FGF7: variants seen among roughly 807,000 people sequenced by gnomAD.
FGF7 encodes FGF-7.
FGF7 carries 6 observed loss-of-function variants against 20.5 expected under a neutral mutation model. The observed-to-expected ratio is 0.29, with a 90% CI of 0.16 to 0.58. The LOEUF (loss-of-function observed/expected upper bound fraction) is 0.58. Among genes scored for constraint, FGF7 ranks in the 20% least tolerant of loss-of-function variants. FGF7 has a pLI of 0.90. For synonymous variants in FGF7, 64 were observed against 74.7 expected (o/e 0.86, Z 0.74); for missense variants, 144 against 228.8 (o/e 0.63, Z 2.39).
chr15:49,435,091 T>C (rs2050978939), intron 2 of FGF7, among the ~76,000 whole-genome samples: 1 of 151,594 alleles, frequency 6.6e-6, no homozygotes. Context: ...ATTAAAATTG[T>C]TGTGTATGAA....
At chr15:49,456,847 A>C (rs2053342226) in intron 2 of FGF7, among the ~76,000 whole-genome samples, 1 of 152,150 alleles carries the variant, frequency 6.6e-6, no homozygotes. Context: ...AACTTTGTTG[A>C]TGAAAAATAA....
At chr15:49,429,481 C>T (rs1205828812) in intron 2 of FGF7, among the ~76,000 whole-genome samples, 1 of 151,950 alleles carries the variant, frequency 6.6e-6, no homozygotes, top group Non-Finnish European at 1.5e-5. Flanking sequence ...AAATCCTCAT[C>T]TAGACTGACC....
intron 2 of FGF7, among the ~76,000 whole-genome samples, chr15:49,471,513 A>ATAC (rs1286257495): frequency 1.4e-5 from 2 of 148,082 alleles, no homozygotes; most frequent in African/African-American, 4.9e-5. Flanking sequence ...AATAATAATA[A>ATAC]TAATAATAAT....
chr15:49,478,873 C>G (rs1443377731), intron 2 of FGF7, among the ~76,000 whole-genome samples: 1 of 151,918 alleles, frequency 6.6e-6, no homozygotes, highest in Admixed American at 6.6e-5. Flanking sequence ...AATCACAAAG[C>G]TATTGGTAAT....
At chr15:49,428,353 C>T (rs770617332) in intron 2 of FGF7, among the ~76,000 whole-genome samples, 6 of 151,930 alleles carry the variant, frequency 3.9e-5, no homozygotes, top group Non-Finnish European at 5.9e-5. Flanking sequence ...CCAAAGTACA[C>T]ATTCAAAATG....
chr15:49,436,336 T>C (rs1275988949), intron 2 of FGF7, among the ~76,000 whole-genome samples: 1 of 151,632 alleles, frequency 6.6e-6, no homozygotes, highest in East Asian at 1.9e-4. Context: ...GTCCATTGTG[T>C]GATTAACATC....
At chr15:49,459,096 T>A (rs2053568247) in intron 2 of FGF7, among the ~76,000 whole-genome samples, 1 of 152,178 alleles carries the variant, frequency 6.6e-6, no homozygotes, top group Admixed American at 6.6e-5. Context: ...CAAACATTAC[T>A]GAATATCTTC....
chr15:49,431,688 A>G (rs2050635017), intron 2 of FGF7, among the ~76,000 whole-genome samples: 1 of 151,768 alleles, frequency 6.6e-6, no homozygotes, highest in South Asian at 2.1e-4. Flanking sequence ...GAGGAAGAAA[A>G]TATCTTTGTG....
At chr15:49,476,349 A>G (rs1447070839) in intron 2 of FGF7, among the ~76,000 whole-genome samples, 1 of 151,650 alleles carries the variant, frequency 6.6e-6, no homozygotes, top group Non-Finnish European at 1.5e-5. Context: ...CAGATAGGAT[A>G]TCATAATTAA....
At chr15:49,462,945 G>A (rs146229978) in intron 2 of FGF7, among the ~76,000 whole-genome samples, 1 of 152,304 alleles carries the variant, frequency 6.6e-6, no homozygotes, top group African/African-American at 2.4e-5. Context: ...ACTGTGTCAT[G>A]ATAAATATAG....
chr15:49,483,304 A>C (rs778536783), intron 3 of FGF7, 50 bp downstream of exon 3: 13 of 886,288 alleles, frequency 1.5e-5, no homozygotes, highest in Non-Finnish European at 2.0e-5. Flanking sequence ...CATTTTTGTC[A>C]AAATATCTCA....
chr15:49,449,830 C>T (rs974973420), intron 2 of FGF7, among the ~76,000 whole-genome samples: 9 of 151,870 alleles, frequency 5.9e-5, no homozygotes, highest in Non-Finnish European at 1.2e-4. Context: ...TAAACGAGAT[C>T]AGATATCCAT....
At chr15:49,442,035 A>C (rs1448199637) in intron 2 of FGF7, among the ~76,000 whole-genome samples, 2 of 151,666 alleles carry the variant, frequency 1.3e-5, no homozygotes, top group Non-Finnish European at 3.0e-5. Flanking sequence ...AGTGTCCAGC[A>C]CATTAGGAAA....
In FGF7 at chr15:49,456,366, C is replaced by T. The variant is rs574214022; in HGVS notation, c.287-26785C>T. Among the ~76,000 whole-genome samples, 6 of 152,120 alleles carry T rather than the reference C, an allele frequency of 3.9e-5. No homozygotes were observed. The East Asian group carries it at 9.6e-4, about 24-fold the overall frequency. On this transcript the variant is annotated intron_variant, in intron 2 of 3. Coordinates refer to ENST00000267843, the MANE Select transcript of FGF7 (RefSeq NM_002009.4). ...GAAAGGGAAAGCAGCTGGACAGTGTCTTATATGACAAGTCATTTCTGCCAA... is the reference window on the plus strand; with the variant it reads ...GAAAGGGAAAGCAGCTGGACAGTGTTTTATATGACAAGTCATTTCTGCCAA...
At chr15:49,429,283 G>C (rs1309205273) in intron 2 of FGF7, among the ~76,000 whole-genome samples, 1 of 151,932 alleles carries the variant, frequency 6.6e-6, no homozygotes, top group Non-Finnish European at 1.5e-5. Context: ...TAACTTGTTA[G>C]GGCTTTAAAT....
chr15:49,441,095 A>C (rs2151836588), intron 2 of FGF7, among the ~76,000 whole-genome samples: 1 of 151,876 alleles, frequency 6.6e-6, no homozygotes, highest in Non-Finnish European at 1.5e-5. Context: ...TAAATAAGAT[A>C]ATTTCCTGAA....
intron 2 of FGF7, among the ~76,000 whole-genome samples, chr15:49,429,037 C>A (rs1465098351): frequency 1.3e-5 from 2 of 152,026 alleles, no homozygotes; most frequent in Non-Finnish European, 2.9e-5. Flanking sequence ...CTAGCAAATA[C>A]ACATATTGCC....
chr15:49,476,797 C>T (rs1303311969), intron 2 of FGF7, among the ~76,000 whole-genome samples: 8 of 152,050 alleles, frequency 5.3e-5, no homozygotes, highest in East Asian at 1.9e-4. Context: ...TGGTGGCTCA[C>T]GCCTGTAATC....
intron 2 of FGF7, among the ~76,000 whole-genome samples, chr15:49,474,318 A>G (rs2055049166): frequency 6.6e-6 from 1 of 152,214 alleles, no homozygotes; most frequent in Admixed American, 6.5e-5. Context: ...AAGCATGATC[A>G]ATGTCTTCAC....
Sources: gnomAD v4.1 joint callset for allele counts (sites outside exome capture counted in the v4.1 genomes callset) on GRCh38, gnomAD v4.1.1 for gene constraint, MANE v1.5 for transcripts, NCBI Gene and HGNC (gene_info 2026-07-23, HGNC 2026-07-21) for gene names.